Variants in EXOC4 observed in about 807,000 individuals in gnomAD.
EXOC4 encodes the protein exocyst complex component 4.
Under a neutral mutation model 107.2 loss-of-function variants are expected in EXOC4, and 71 were observed. The observed-to-expected ratio is 0.66, with a 90% CI of 0.55 to 0.81. The LOEUF is 0.81. Among genes scored for constraint, EXOC4 ranks in the 30% least tolerant of loss-of-function variants. EXOC4 has a pLI of 0.00. For missense variants in EXOC4, 1,108 were observed against 1,189.6 expected (o/e 0.93, Z 1.01); for synonymous variants, 456 against 441.2 (o/e 1.03, Z -0.42).
intron 6 of EXOC4, among the ~76,000 whole-genome samples, chr7:133,356,916 G>A (rs935369366): frequency 6.6e-6 from 1 of 152,226 alleles, no homozygotes; most frequent in African/African-American, 2.4e-5. Flanking sequence ...GGAGGCGGAG[G>A]TTGCAGTGAG....
At chr7:133,488,765 A>G (rs558665896) in intron 9 of EXOC4, among the ~76,000 whole-genome samples, 1 of 152,166 alleles carries the variant, frequency 6.6e-6, no homozygotes, top group African/African-American at 2.4e-5. Flanking sequence ...ATGGATATGT[A>G]AGTTGTTGTA....
intron 9 of EXOC4, among the ~76,000 whole-genome samples, chr7:133,622,120 G>A (rs573915190): frequency 6.6e-6 from 1 of 152,112 alleles, no homozygotes; most frequent in African/African-American, 2.4e-5. Flanking sequence ...AACTACAGTT[G>A]CACCTCACCA....
At chr7:133,393,655 G>A (rs903032118) in intron 7 of EXOC4, among the ~76,000 whole-genome samples, 5 of 152,134 alleles carry the variant, frequency 3.3e-5, no homozygotes, top group African/African-American at 7.2e-5. Flanking sequence ...GAGCTCCCTC[G>A]ACAGTTCTGC....
intron 7 of EXOC4, among the ~76,000 whole-genome samples, chr7:133,447,957 A>G (rs1218477937): frequency 6.6e-6 from 1 of 152,226 alleles, no homozygotes; most frequent in African/African-American, 2.4e-5. Flanking sequence ...CTTTAGAGAG[A>G]AAGATGTACT....
chr7:133,846,856 A>G (rs12673416), intron 11 of EXOC4, among the ~76,000 whole-genome samples: 3,466 of 152,304 alleles, frequency 0.023, 329 homozygotes, highest in Admixed American at 0.17. Context: ...GAGGTTTCAC[A>G]TGGGGCTTGA....
intron 10 of EXOC4, among the ~76,000 whole-genome samples, chr7:133,715,162 C>G (rs1794974404): frequency 2.0e-5 from 3 of 152,128 alleles, no homozygotes. Flanking sequence ...ATCTCTAATT[C>G]CAAACTAGTA....
intron 2 of EXOC4, among the ~76,000 whole-genome samples, chr7:133,277,811 C>A (rs536044382): frequency 6.6e-6 from 1 of 152,082 alleles, no homozygotes; most frequent in African/African-American, 2.4e-5. Context: ...AATTTTGTAC[C>A]ATGACAGTCC....
intron 9 of EXOC4, among the ~76,000 whole-genome samples, chr7:133,515,470 T>C (rs1563093524): frequency 6.6e-6 from 1 of 151,898 alleles, no homozygotes; most frequent in Non-Finnish European, 1.5e-5. Context: ...ATACATATAG[T>C]GAGAGAGAAA....
chr7:134,022,918 A>T (rs1795059769), intron 17 of EXOC4, among the ~76,000 whole-genome samples: 1 of 152,176 alleles, frequency 6.6e-6, no homozygotes, highest in Non-Finnish European at 1.5e-5. Context: ...TTCATTCCTG[A>T]TCAGTGAAGT....
At chr7:133,366,890 T>C (rs969297549) in intron 6 of EXOC4, among the ~76,000 whole-genome samples, 1 of 152,118 alleles carries the variant, frequency 6.6e-6, no homozygotes, top group African/African-American at 2.4e-5. Flanking sequence ...ACAGTTTTAA[T>C]AATCCTGGCA....
intron 11 of EXOC4, among the ~76,000 whole-genome samples, chr7:133,884,088 A>G (rs543242342): frequency 2.6e-5 from 4 of 152,224 alleles, no homozygotes; most frequent in African/African-American, 9.6e-5. Context: ...CATTATTGTC[A>G]TGAAACATTT....
intron 1 of EXOC4, chr7:133,253,539 G>A: frequency 9.9e-7 from 1 of 1,010,790 alleles, no homozygotes; most frequent in Non-Finnish European, 1.2e-6. Flanking sequence ...TTTGCCTGTA[G>A]CAGCACTCAC....
At chr7:133,704,096 A>G (rs1794719542) in intron 10 of EXOC4, among the ~76,000 whole-genome samples, 1 of 152,124 alleles carries the variant, frequency 6.6e-6, no homozygotes, top group African/African-American at 2.4e-5. Flanking sequence ...CCACTCTTTC[A>G]ACACCTAAGA....
At chr7:133,585,633 A>T (rs1033973249) in intron 9 of EXOC4, among the ~76,000 whole-genome samples, 3 of 152,244 alleles carry the variant, frequency 2.0e-5, no homozygotes, top group East Asian at 1.9e-4. Context: ...CTTAGAAAAA[A>T]AAAAAAGTAG....
rs544689611 is a variant in EXOC4, at chr7:133,537,322, A to T, written c.1417+57184A>T. 4.8e-5 allele frequency among the ~76,000 whole-genome samples: 6 copies of T among 125,528 alleles called. No individual in the cohort carries two copies. In the South Asian group the frequency reaches 1.8e-3, roughly 38 times the overall value. The allele number at this position is 125,528 out of a possible 152,430, so 82.4% of individuals were successfully genotyped here. A position where few individuals can be genotyped will look rare whatever the true frequency, so the allele number is the denominator to read the frequency against. On this transcript the variant is annotated intron_variant, in intron 9 of 17. Coordinates refer to ENST00000253861, the MANE Select transcript of EXOC4 (RefSeq NM_021807.4). ...CCCCCCCCCCCACCACACCTGACTA[A>T]TTTTTTTGTATTTTTAGTAGACATG...
At chr7:133,809,685 G>A (rs998743035) in intron 10 of EXOC4, among the ~76,000 whole-genome samples, 3 of 152,200 alleles carry the variant, frequency 2.0e-5, no homozygotes, top group Non-Finnish European at 2.9e-5. Context: ...CTATATTAAT[G>A]TGTACGTTAT....
chr7:133,471,533 C>G (rs1297017930), intron 7 of EXOC4, among the ~76,000 whole-genome samples: 1 of 152,062 alleles, frequency 6.6e-6, no homozygotes, highest in Non-Finnish European at 1.5e-5. Context: ...AACAATGAAG[C>G]AAACAAACAC....
chr7:133,402,569 G>C (rs972464434), intron 7 of EXOC4, among the ~76,000 whole-genome samples: 1 of 152,140 alleles, frequency 6.6e-6, no homozygotes, highest in Non-Finnish European at 1.5e-5. Context: ...CACCATCTTG[G>C]CTCACTGCAA....
At chr7:133,970,219 C>T (rs1463502496) in intron 14 of EXOC4, among the ~76,000 whole-genome samples, 2 of 152,154 alleles carry the variant, frequency 1.3e-5, no homozygotes, top group African/African-American at 4.8e-5. Context: ...TGTCCCAGGT[C>T]GACTTCAGAC....
Sources: allele counts gnomAD v4.1 joint callset (sites outside exome capture counted in the v4.1 genomes callset), GRCh38; gene constraint gnomAD v4.1.1; transcripts MANE v1.5; gene names NCBI Gene and HGNC (gene_info 2026-07-23, HGNC 2026-07-21).